CTTN: variants seen among roughly 807,000 people sequenced by gnomAD.
The protein encoded by CTTN is cortactin, also known as src substrate cortactin.
A neutral mutation model predicts 84.0 loss-of-function variants in CTTN; 28 were observed. The observed-to-expected ratio is 0.33, with a 90% CI of 0.25 to 0.46. CTTN has a LOEUF of 0.46. CTTN is among the 20% of genes least tolerant of loss of function. The pLI is 1.00. For synonymous variants in CTTN, 301 were observed against 288.8 expected, an observed-to-expected ratio of 1.04 and a Z score of -0.43; for missense variants, 641 against 723.8, an observed-to-expected ratio of 0.89 and a Z score of 1.31.
At chr11:70,433,589 A>G in intron 16 of CTTN, 58 bp from the exon 17 acceptor site, 1 of 1,302,996 alleles carries the variant, frequency 7.7e-7, no homozygotes, top group South Asian at 1.2e-5. Flanking sequence ...AAACTTGAGA[A>G]GGCTGGGAAC....
chr11:70,420,974 T>C (rs1194027708), intron 10 of CTTN, among the ~76,000 whole-genome samples: 2 of 152,254 alleles, frequency 1.3e-5, no homozygotes, highest in African/African-American at 2.4e-5. Context: ...AGATACTTAC[T>C]TTTGAACCGA....
chr11:70,414,504 G>C (rs762284130), intron 5 of CTTN, 38 bp from the exon 6 acceptor site: 7 of 1,472,242 alleles, frequency 4.8e-6, no homozygotes, highest in Non-Finnish European at 5.7e-6. Context: ...CCGCAGTGTT[G>C]TTGGTGTCTA....
rs1591451449 is a variant in CTTN, at chr11:70,431,234, C to T, written c.1220C>T (p.Ala407Val). The T allele has an allele frequency of 6.2e-7, 1 of 1,614,202 alleles. No homozygotes were observed. The highest frequency in any genetic ancestry group is 1.6e-4 in the Middle Eastern group (1 of 6,062). ...ACGCAAACGCCCCCTGTGTCGCCCG[C>T]ACCTCAGCCAACCGAGGAGAGGCTG... ...AKTQTPPVSP[A>V]PQPTEERLPS... Residue 407 changes from alanine (A) to valine (V), a missense_variant, in exon 15 of 18, where the codon GCA becomes GTA. Coordinates refer to ENST00000301843, the MANE Select transcript of CTTN (RefSeq NM_005231.4).
At chr11:70,430,697 C>T (rs1354519638) in intron 14 of CTTN, among the ~76,000 whole-genome samples, 1 of 152,210 alleles carries the variant, frequency 6.6e-6, no homozygotes, top group Non-Finnish European at 1.5e-5. Context: ...GCTTCATGTC[C>T]ATCCCATGTG....
chr11:70,411,536 G>C (rs578201870), intron 5 of CTTN, among the ~76,000 whole-genome samples: 13 of 152,358 alleles, frequency 8.5e-5, no homozygotes, highest in African/African-American at 3.1e-4. Flanking sequence ...TGCTTAGGGG[G>C]CTTGTGGGGA....
rs981068254 is a variant in CTTN, at chr11:70,436,533, T to A, written c.*1371T>A. 5 of 790,182 alleles carry A rather than the reference T, an allele frequency of 6.3e-6. No homozygotes were observed. The highest frequency in any genetic ancestry group is 8.1e-6 in the Non-Finnish European group (4 of 495,836). 48.9% of individuals were successfully genotyped at this position (790,182 alleles called of 1,614,324 possible). On this transcript the variant is annotated 3_prime_UTR_variant, in exon 18 of 18. Transcript: ENST00000301843. ...CCTGTAGCACACCTCATAGGTATGA[T>A]TTTTTTAAATTAAAGAATTCAGAAT...
At position 70,402,118 on chromosome 11, in the gene CTTN, A is replaced by G. The variant is rs539637072; in HGVS notation, c.-97-3147A>G. 6.9e-4 allele frequency among the ~76,000 whole-genome samples: 105 copies of G among 152,310 alleles called. 3 individuals are homozygous for G. In the South Asian group the frequency reaches 0.021, roughly 31 times the overall value. On this transcript the variant is annotated intron_variant, in intron 1 of 17. Transcript: ENST00000301843. ...CAGTGAGCCGAGATCGCGCTGTTGCACTCCAACCTAGGCAACAGAGCAAGA... is the reference window on the plus strand; with the variant it reads ...CAGTGAGCCGAGATCGCGCTGTTGCGCTCCAACCTAGGCAACAGAGCAAGA...
rs147013400 is a variant in CTTN, at chr11:70,436,537, TTTAAA to T, written c.*1381_*1385del. ...TAGCACACCTCATAGGTATGATTTT[TTTAAA>T]TTAAAGAATTCAGAATAAACATTTT... is the stretch of plus-strand genomic sequence containing the variant. On this transcript the variant is annotated 3_prime_UTR_variant, in exon 18 of 18. Coordinates refer to ENST00000301843, the MANE Select transcript of CTTN (RefSeq NM_005231.4). The T allele has an allele frequency of 3.7e-3, 2,942 of 796,752 alleles. 71 individuals carry two copies. The African/African-American group carries it at 0.046, about 12-fold the overall frequency. 49.4% of individuals were successfully genotyped at this position (796,752 alleles called of 1,614,324 possible).
chr11:70,417,817 T>A (rs920189783), intron 8 of CTTN, among the ~76,000 whole-genome samples: 1 of 152,186 alleles, frequency 6.6e-6, no homozygotes, highest in African/African-American at 2.4e-5. Context: ...GCAGGGAACA[T>A]TCTTGTACCT....
At chr11:70,400,809 G>A (rs1012013288) in intron 1 of CTTN, among the ~76,000 whole-genome samples, 5 of 152,248 alleles carry the variant, frequency 3.3e-5, no homozygotes, top group Admixed American at 3.3e-4. Flanking sequence ...CCAGGAGCAG[G>A]CTTGGCTTTC....
intron 1 of CTTN, among the ~76,000 whole-genome samples, chr11:70,401,306 T>A (rs2057975950): frequency 6.8e-6 from 1 of 146,866 alleles, no homozygotes; most frequent in African/African-American, 2.5e-5. Context: ...CCGTCTCTAC[T>A]AAAAAAAAAA....
intron 13 of CTTN, among the ~76,000 whole-genome samples, chr11:70,426,408 C>T: frequency 1.4e-5 from 2 of 139,692 alleles, no homozygotes; most frequent in African/African-American, 5.4e-5. Flanking sequence ...GAGACTCCGT[C>T]TCAAAAAAAA....
intron 1 of CTTN, among the ~76,000 whole-genome samples, chr11:70,404,703 C>T (rs1345691643): frequency 6.6e-6 from 1 of 152,188 alleles, no homozygotes; most frequent in Non-Finnish European, 1.5e-5. Flanking sequence ...TGTTTGCATT[C>T]ATAAGAAACA....
At chr11:70,418,779 C>CT (rs1222632596) in intron 8 of CTTN, among the ~76,000 whole-genome samples, 3,897 of 140,880 alleles carry the variant, frequency 0.028, 186 homozygotes, top group African/African-American at 0.092. Flanking sequence ...TACTTTATTT[C>CT]TTTTTTTTTT....
At chr11:70,431,688 T>G (rs2058355488) in intron 15 of CTTN, among the ~76,000 whole-genome samples, 1 of 152,126 alleles carries the variant, frequency 6.6e-6, no homozygotes, top group South Asian at 2.1e-4. Context: ...TCCCGCACAA[T>G]CTGCCTTCTA....
At chr11:70,421,751 A>T in intron 11 of CTTN, 171 bp downstream of exon 11, 1 of 604,790 alleles carries the variant, frequency 1.7e-6, no homozygotes, top group Non-Finnish European at 2.9e-6. Flanking sequence ...AGCGACACTG[A>T]TTTTGAGTGG....
chr11:70,416,086 A>G (rs1335545059), intron 7 of CTTN: 9 of 239,666 alleles, frequency 3.8e-5, no homozygotes, highest in South Asian at 8.2e-5. Context: ...CTTCCCCCCA[A>G]GGCTAGAAAC....
chr11:70,417,058 G>T lies in CTTN; in HGVS notation c.503G>T (p.Arg168Leu), dbSNP rs759451424. The T allele has an allele frequency of 1.4e-5, 23 of 1,614,172 alleles. 1 individual carries two copies. The South Asian group carries it at 2.3e-4, about 16-fold the overall frequency. The change falls in exon 8 of 18, where the codon CGA (arginine) becomes CTA (leucine). Residue 168 changes from arginine (R) to leucine (L), a missense_variant. Transcript: ENST00000301843. ...FGGKYGVQAD[R>L]VDKSAVGFDY... The stretch of plus-strand genomic sequence containing the variant: ...GGCAAGTATGGCGTGCAGGCCGACC[G>T]AGTAGACAAGAGCGCGGTGGGCTTC...
chr11:70,422,524 C>T (rs747187688), intron 11 of CTTN: 13 of 1,292,020 alleles, frequency 1.0e-5, no homozygotes, highest in East Asian at 5.5e-5. Flanking sequence ...GAACAAACTG[C>T]GATTGAGCCT....
Sources: gnomAD v4.1 joint callset for allele counts (sites outside exome capture counted in the v4.1 genomes callset) on GRCh38, gnomAD v4.1.1 for gene constraint, MANE v1.5 for transcripts, NCBI Gene and HGNC (gene_info 2026-07-23, HGNC 2026-07-21) for gene names.